ADAM21: variants seen among roughly 807,000 people sequenced by gnomAD.
ADAM21 encodes ADAM metallopeptidase domain 21.
For missense variants in ADAM21, 678 were observed against 874.4 expected (o/e 0.78, Z 2.83); for synonymous variants, 262 against 306.0 (o/e 0.86, Z 1.50).
At position 70,459,228 on chromosome 14, in the gene ADAM21, C is replaced by A; in HGVS notation, c.1729C>A (p.His577Asn). Residue 577 changes from histidine to asparagine, a missense_variant, in exon 2 of 2, where the codon CAT becomes AAT. By Grantham distance (68) the His-to-Asn change is moderately conservative (BLOSUM62 1). Transcript: ENST00000603540. ...NVRDIPLLQDHFTLQHTHING... is the reference protein window; with the variant it reads ...NVRDIPLLQDNFTLQHTHING... ...GAGAGACATTCCTCTTCTCCAAGATCATTTTACTTTGCAGCACACTCATAT... is the reference window on the plus strand; with the variant it reads ...GAGAGACATTCCTCTTCTCCAAGATAATTTTACTTTGCAGCACACTCATAT... 6.2e-7 allele frequency: 1 copy of A among 1,614,044 alleles called. No individual in the cohort carries two copies. Among genetic ancestry groups the A allele is most frequent in the Non-Finnish European group, 8.5e-7 (1 of 1,180,008 alleles).
At chr14:70,456,266 TTTTC>T (rs1882403395) in intron 1 of ADAM21, among the ~76,000 whole-genome samples, 1 of 152,216 alleles carries the variant, frequency 6.6e-6, no homozygotes, top group African/African-American at 2.4e-5. Flanking sequence ...TGTATTTTGA[TTTTC>T]TTTCTCTAAT....
At chr14:70,453,933 A>G (rs1365938102) in intron 1 of ADAM21, among the ~76,000 whole-genome samples, 1 of 152,258 alleles carries the variant, frequency 6.6e-6, no homozygotes, top group Non-Finnish European at 1.5e-5. Context: ...GATAATGTTC[A>G]GCTTGAAACA....
In ADAM21 at chr14:70,457,874, C is replaced by T; in HGVS notation, c.375C>T (p.Phe125=). Residue 125 remains phenylalanine (F), a synonymous_variant, in exon 2 of 2, where the codon TTC becomes TTT. Transcript: ENST00000603540. ...CAGCCCCTGAGTCTCTGGTTGTGTT[C>T]AGTGCTTGTTTTGGGGGCTTTCGAG... ...VEAAPESLVV[F]SACFGGFRGV... 6.2e-7 allele frequency: 1 copy of T among 1,613,900 alleles called. No homozygotes were observed. Among genetic ancestry groups the T allele is most frequent in the Non-Finnish European group, 8.5e-7 (1 of 1,179,968 alleles).
rs899458120 is a variant in ADAM21, at chr14:70,458,156, T to C, written c.657T>C (p.Asp219=). The C allele has an allele frequency of 1.2e-6, 2 of 1,613,636 alleles. No individual in the cohort carries two copies. The highest frequency in any genetic ancestry group is 2.7e-5 in the African/African-American group (2 of 74,840). The change falls in exon 2 of 2, where the codon GAT becomes GAC. Residue 219 remains aspartate, a synonymous_variant. Transcript: ENST00000603540. ...FLELVVVVNH[D]FFIYSQSNIS... ...AGCTAGTTGTTGTGGTGAACCATGA[T>C]TTCTTCATTTACTCTCAAAGCAACA...
chr14:70,453,300 C>T (rs1431578830), intron 1 of ADAM21: 2 of 152,142 alleles, frequency 1.3e-5, no homozygotes, highest in African/African-American at 4.8e-5. Flanking sequence ...TGCATTAGGG[C>T]ATTGGAATAA....
At position 70,457,532 on chromosome 14, in the gene ADAM21, A is replaced by G. The variant is rs3751521; in HGVS notation, c.33A>G (p.Arg11=). The change falls in exon 2 of 2, where the codon AGA becomes AGG. Residue 11 remains arginine, a synonymous_variant. Transcript: ENST00000603540. MAVDGTLVYI[R]VTLLLLWLGV... ...TGGATGGGACCCTCGTGTACATCAG[A>G]GTCACTCTTCTGCTGCTCTGGCTTG... is the stretch of plus-strand genomic sequence containing the variant. The G allele has an allele frequency of 0.46, 621,145 of 1,350,062 alleles. 182,572 individuals are homozygous for G. Among genetic ancestry groups the G allele is most frequent in the East Asian group, 0.86 (37,992 of 44,140 alleles). The allele number at this position is 1,350,062 out of a possible 1,614,324, so 83.6% of individuals were successfully genotyped here.
Position 70,459,278 on chromosome 14 carries a change from T to G in ADAM21, c.1779T>G (p.Ile593Met). 2.5e-6 allele frequency: 4 copies of G among 1,614,212 alleles called. No individual in the cohort carries two copies. The highest frequency in any genetic ancestry group is 3.4e-6 in the Non-Finnish European group (4 of 1,180,034). Reference sequence around the variant, plus strand: ...TCAATGGTGTCACCTGCTGGGGTATTGACTATCATTTAAGGATGAACATAT... The same window carrying G: ...TCAATGGTGTCACCTGCTGGGGTATGGACTATCATTTAAGGATGAACATAT... ...THINGVTCWG[I>M]DYHLRMNISD... Residue 593 changes from isoleucine (I) to methionine (M), a missense_variant, in exon 2 of 2, where the codon ATT becomes ATG. Coordinates refer to ENST00000603540, the MANE Select transcript of ADAM21 (RefSeq NM_003813.4).
rs768366519 is a variant in ADAM21, at chr14:70,457,802, T to G, written c.303T>G (p.Asp101Glu). The change falls in exon 2 of 2, where the codon GAT becomes GAG. Residue 101 changes from aspartate (D) to glutamate (E), a missense_variant. Transcript: ENST00000603540. ...TYTDDRALLEDQLFIPDDCYY... is the reference protein window; with the variant it reads ...TYTDDRALLEEQLFIPDDCYY... ...CAGATGACCGTGCACTCCTGGAGGA[T>G]CAGCTCTTCATCCCAGATGACTGTT... is the stretch of plus-strand genomic sequence containing the variant. 1.2e-6 allele frequency: 2 copies of G among 1,613,386 alleles called. No individual in the cohort carries two copies.
chr14:70,459,299 C>T lies in ADAM21; in HGVS notation c.1800C>T (p.Asn600=), dbSNP rs1312309315. ...GTATTGACTATCATTTAAGGATGAA[C>T]ATATCTGACATTGGTGAAGTGAAAG... ...CWGIDYHLRM[N]ISDIGEVKDG... is the part of the protein sequence containing the mutation. Residue 600 remains asparagine, a synonymous_variant, in exon 2 of 2, where the codon AAC becomes AAT. Coordinates refer to ENST00000603540, the MANE Select transcript of ADAM21 (RefSeq NM_003813.4). The T allele has an allele frequency of 6.8e-6, 11 of 1,614,188 alleles. No individual in the cohort carries two copies. The highest frequency in any genetic ancestry group is 3.3e-5 in the South Asian group (3 of 91,086).
rs572056973 is a variant in ADAM21, at chr14:70,455,117, C to T, written c.-151-2232C>T. ...ACAGGATGGAGTTGGTTCTCTCTCTCTCTCCTTTTGTCTTTAAAGGAAGAC... is the reference window on the plus strand; with the variant it reads ...ACAGGATGGAGTTGGTTCTCTCTCTTTCTCCTTTTGTCTTTAAAGGAAGAC... On this transcript the variant is annotated intron_variant, in intron 1 of 1. Coordinates refer to ENST00000603540, the MANE Select transcript of ADAM21 (RefSeq NM_003813.4). Among the ~76,000 whole-genome samples the T allele has an allele frequency of 3.9e-5, 6 of 152,220 alleles. No individual in the cohort carries two copies. The South Asian group carries it at 1.2e-3, about 32-fold the overall frequency.
At position 70,459,839 on chromosome 14, in the gene ADAM21, T is replaced by G; in HGVS notation, c.*171T>G. The G allele has an allele frequency of 1.3e-6, 1 of 788,136 alleles. No homozygotes were observed. The highest frequency in any genetic ancestry group is 2.0e-6 in the Non-Finnish European group (1 of 505,000). The allele number at this position is 788,136 out of a possible 1,614,324, so 48.8% of individuals were successfully genotyped here. On this transcript the variant is annotated 3_prime_UTR_variant, in exon 2 of 2. Coordinates refer to ENST00000603540, the MANE Select transcript of ADAM21 (RefSeq NM_003813.4). ...ATTGTCATTAAGTTCAAGTTATTCTTAACATGTTTCTATCTATTGTTTATT... is the reference window on the plus strand; with the variant it reads ...ATTGTCATTAAGTTCAAGTTATTCTGAACATGTTTCTATCTATTGTTTATT...
chr14:70,454,946 T>C (rs1382917495), intron 1 of ADAM21, among the ~76,000 whole-genome samples: 1 of 152,202 alleles, frequency 6.6e-6, no homozygotes, highest in African/African-American at 2.4e-5. Flanking sequence ...TTGTGGGCTG[T>C]GGAGAACAGG....
At position 70,458,920 on chromosome 14, in the gene ADAM21, C is replaced by G; in HGVS notation, c.1421C>G (p.Pro474Arg). 1 of 1,614,106 alleles carries G rather than the reference C, an allele frequency of 6.2e-7. No homozygotes were observed. The change falls in exon 2 of 2, where the codon CCA becomes CGA. Residue 474 changes from proline to arginine, a missense_variant. Coordinates refer to ENST00000603540, the MANE Select transcript of ADAM21 (RefSeq NM_003813.4). ...CRQEVNECDLPEWCNGTSHQC... is the reference protein window; with the variant it reads ...CRQEVNECDLREWCNGTSHQC... The stretch of plus-strand genomic sequence containing the variant: ...CAAGAGGTCAATGAATGTGACCTTC[C>G]AGAATGGTGCAATGGAACATCTCAT...
chr14:70,457,172 TCAC>T (rs1478564992), intron 1 of ADAM21, among the ~76,000 whole-genome samples, 174 bp from the exon 2 acceptor site: 1 of 152,184 alleles, frequency 6.6e-6, no homozygotes, highest in Non-Finnish European at 1.5e-5. Context: ...TCAACTATTA[TCAC>T]CACGTGGCCA....
rs758298943 is a variant in ADAM21, at chr14:70,457,578, G to A, written c.79G>A (p.Gly27Ser). The part of the protein sequence containing the change: ...LWLGVFLSIS[G>S]YCQAGPSQHF... ...GCTTGGGGTATTTTTGTCTATTTCCGGCTACTGTCAGGCTGGGCCCTCCCA... is the reference window on the plus strand; with the variant it reads ...GCTTGGGGTATTTTTGTCTATTTCCAGCTACTGTCAGGCTGGGCCCTCCCA... The change falls in exon 2 of 2, where the codon GGC becomes AGC. Residue 27 changes from glycine (G) to serine (S), a missense_variant. Gly to Ser is a moderately conservative substitution (Grantham distance 56). Coordinates refer to ENST00000603540, the MANE Select transcript of ADAM21 (RefSeq NM_003813.4). The A allele has an allele frequency of 4.0e-5, 64 of 1,613,294 alleles. No homozygotes were observed. Among genetic ancestry groups the A allele is most frequent in the Non-Finnish European group, 4.4e-5 (52 of 1,179,804 alleles).
chr14:70,459,375 AGTCT>A lies in ADAM21; in HGVS notation c.1885_1888del (p.Val629CysfsTer12), dbSNP rs745625321. On this transcript the variant is annotated frameshift_variant, in exon 2 of 2. Transcript: ENST00000603540. LOFTEE classifies it low-confidence loss of function (END_TRUNC). ...GATCTGCATCCATAAGAAGTGTGTC[AGTCT>A]GTCTGTCTTGTCACATGTCTGCCTT... 2.2e-5 allele frequency: 36 copies of A among 1,614,234 alleles called. No homozygotes were observed. Among genetic ancestry groups the A allele is most frequent in the Non-Finnish European group, 3.0e-5 (35 of 1,180,028 alleles).
At chr14:70,452,930 C>G (rs749716705) in intron 1 of ADAM21, among the ~76,000 whole-genome samples, 2 of 151,986 alleles carry the variant, frequency 1.3e-5, no homozygotes, top group Non-Finnish European at 2.9e-5. Flanking sequence ...GATCTGGAAC[C>G]ATGAGGGGCT....
chr14:70,453,602 A>C (rs1449499216), intron 1 of ADAM21: 2 of 152,184 alleles, frequency 1.3e-5, no homozygotes, highest in African/African-American at 2.4e-5. Flanking sequence ...CAAGAAAAAG[A>C]ATAATATGAC....
At chr14:70,456,576 T>C (rs1422189963) in intron 1 of ADAM21, among the ~76,000 whole-genome samples, 4 of 152,222 alleles carry the variant, frequency 2.6e-5, no homozygotes, top group Non-Finnish European at 5.9e-5. Flanking sequence ...CGTTTTGTCT[T>C]TGGGACTCTC....
Sources: allele counts gnomAD v4.1 joint callset (sites outside exome capture counted in the v4.1 genomes callset), GRCh38; gene constraint gnomAD v4.1.1; transcripts MANE v1.5; gene names NCBI Gene and HGNC (gene_info 2026-07-23, HGNC 2026-07-21).